LRRC37A2: variants seen among roughly 807,000 people sequenced by gnomAD.
LRRC37A2 encodes leucine rich repeat containing 37 member A2.
A neutral mutation model predicts 68.8 loss-of-function variants in LRRC37A2; 9 were observed. The ratio of observed to expected loss-of-function variants is 0.13; its 90% CI spans 0.08 to 0.23. The LOEUF is 0.23. Among genes scored for constraint, LRRC37A2 ranks in the 10% least tolerant of loss-of-function variants. The pLI, the probability that LRRC37A2 is intolerant of heterozygous loss-of-function variation, is 1.00. For missense variants in LRRC37A2, 168 were observed against 950.4 expected, an observed-to-expected ratio of 0.18 and a Z score of 10.82; for synonymous variants, 63 against 367.6, an observed-to-expected ratio of 0.17 and a Z score of 9.48.
At chr17:46,379,824 A>T in the LRRC37A2 span, among the ~76,000 whole-genome samples, 1 of 39,488 alleles carries the variant, frequency 2.5e-5, no homozygotes, top group Non-Finnish European at 6.0e-5. Flanking sequence ...TCATGAAGGG[A>T]TGTTGAATTT....
At chr17:46,610,031 C>CTTTCTT in the LRRC37A2 span, among the ~76,000 whole-genome samples, 3 of 69,872 alleles carry the variant, frequency 4.3e-5, no homozygotes, top group African/African-American at 1.3e-4. Flanking sequence ...CTTTCTTTCT[C>CTTTCTT]TCTCTCTCTC....
At chr17:46,977,665 G>A in the LRRC37A2 span, among the ~76,000 whole-genome samples, 1 of 152,158 alleles carries the variant, frequency 6.6e-6, no homozygotes, top group South Asian at 2.1e-4. Context: ...CCACAAAGCC[G>A]CCAACCCCCA....
chr17:46,542,625 G>A (rs954112818), intron 8 of LRRC37A2, among the ~76,000 whole-genome samples: 2 of 150,332 alleles, frequency 1.3e-5, no homozygotes, highest in African/African-American at 2.5e-5. Context: ...AACCCAGGAG[G>A]TGGAGGTTGC....
chr17:46,978,819 C>T, the LRRC37A2 span: 1 of 1,609,318 alleles, frequency 6.2e-7, no homozygotes, highest in Non-Finnish European at 8.5e-7. Flanking sequence ...CCCGCGACAC[C>T]CACAGGCTGC....
the LRRC37A2 span, among the ~76,000 whole-genome samples, chr17:46,742,689 G>C: frequency 1.3e-5 from 2 of 152,262 alleles, no homozygotes; most frequent in African/African-American, 4.8e-5. Flanking sequence ...CTATGGAAGG[G>C]AAGAGCATTC....
At chr17:46,924,565 C>T in the LRRC37A2 span, 1 of 152,190 alleles carries the variant, frequency 6.6e-6, no homozygotes, top group Non-Finnish European at 1.5e-5. Context: ...AAATGAAATG[C>T]CCTGAAGCAT....
the LRRC37A2 span, among the ~76,000 whole-genome samples, chr17:46,809,618 C>T: frequency 2.2e-4 from 33 of 152,380 alleles, no homozygotes; most frequent in Non-Finnish European, 4.3e-4. Context: ...CCCCTTCCAG[C>T]TGGCAGCCCT....
At chr17:46,869,746 T>G in the LRRC37A2 span, among the ~76,000 whole-genome samples, 374 of 152,186 alleles carry the variant, frequency 2.5e-3, 2 homozygotes, top group African/African-American at 8.7e-3. Context: ...CGTCTGTAAT[T>G]CCAGCACTCT....
At chr17:46,866,137 G>A in the LRRC37A2 span, among the ~76,000 whole-genome samples, 1 of 152,124 alleles carries the variant, frequency 6.6e-6, no homozygotes, top group Non-Finnish European at 1.5e-5. Context: ...GTAGAGGGGA[G>A]GGTGTGCTCA....
chr17:47,030,088 AATCATCATCATCATCATCATC>A, the LRRC37A2 span, among the ~76,000 whole-genome samples: 75 of 107,044 alleles, frequency 7.0e-4, no homozygotes, highest in East Asian at 2.4e-3. Context: ...TAATAATAAT[AATCATCATCATCATCATCATC>A]ATCATCATCA....
chr17:46,773,736 C>T, the LRRC37A2 span: 4 of 1,612,980 alleles, frequency 2.5e-6, no homozygotes, highest in East Asian at 2.2e-5. Flanking sequence ...GCGGCGGCCC[C>T]GGAACTGGTG....
At chr17:46,803,214 C>T in the LRRC37A2 span, among the ~76,000 whole-genome samples, 2 of 152,200 alleles carry the variant, frequency 1.3e-5, no homozygotes, top group Non-Finnish European at 2.9e-5. Flanking sequence ...AGACAGTTTA[C>T]GTCTTTTCCT....
the LRRC37A2 span, among the ~76,000 whole-genome samples, chr17:46,800,094 G>A: frequency 6.6e-6 from 1 of 152,038 alleles, no homozygotes; most frequent in Admixed American, 6.6e-5. Flanking sequence ...TGGGCCAAGT[G>A]CTAACAGAAT....
At chr17:46,896,377 G>GAAGA in the LRRC37A2 span, among the ~76,000 whole-genome samples, 1 of 125,610 alleles carries the variant, frequency 8.0e-6, no homozygotes, top group Non-Finnish European at 1.7e-5. Context: ...GAGAGAGAGA[G>GAAGA]AAGAAAGAAA....
At chr17:46,768,439 G>T in the LRRC37A2 span, 1 of 1,614,066 alleles carries the variant, frequency 6.2e-7, no homozygotes, top group East Asian at 2.2e-5. The surrounding 1 kb of genome is among the most constrained non-coding windows in gnomAD (Gnocchi z 5.0). Flanking sequence ...TTGTGGCCCC[G>T]GCCACAGCAG....
the LRRC37A2 span, among the ~76,000 whole-genome samples, chr17:46,849,366 T>C: frequency 7.9e-5 from 12 of 152,342 alleles, no homozygotes; most frequent in African/African-American, 2.9e-4. Context: ...TGCACAAGCA[T>C]GCTTATGTGT....
chr17:46,978,567 C>T, the LRRC37A2 span: 1 of 1,487,540 alleles, frequency 6.7e-7, no homozygotes, highest in Non-Finnish European at 8.9e-7. Flanking sequence ...GGCGGCAGAG[C>T]GCAGAGAGCG....
chr17:46,880,149 G>C, the LRRC37A2 span, among the ~76,000 whole-genome samples: 3 of 152,144 alleles, frequency 2.0e-5, no homozygotes, highest in Admixed American at 6.6e-5. Context: ...TGCCCCAAGT[G>C]CCCCCGTTGC....
At chr17:46,575,166 GTAA>G in the LRRC37A2 span, among the ~76,000 whole-genome samples, 1 of 110,988 alleles carries the variant, frequency 9.0e-6, no homozygotes, top group African/African-American at 3.0e-5. Flanking sequence ...CAGAACAGTA[GTAA>G]TGTTCACATG....
Sources: allele counts gnomAD v4.1 joint callset (sites outside exome capture counted in the v4.1 genomes callset), GRCh38; gene constraint gnomAD v4.1.1; non-coding constraint Gnocchi (gnomAD v3.1); transcripts MANE v1.5; gene names NCBI Gene and HGNC (gene_info 2026-07-23, HGNC 2026-07-21).